Variants in SLF2 observed in about 807,000 individuals in gnomAD.
SLF2 encodes the protein SMC5/6 complex localization factor 2.
SLF2 carries 68 observed loss-of-function variants against 124.3 expected under a neutral mutation model. The ratio of observed to expected loss-of-function variants is 0.55; its 90% CI spans 0.45 to 0.67. The LOEUF is 0.67. SLF2 is among the 30% of genes least tolerant of loss of function. The probability of loss-of-function intolerance (pLI) is 0.00; values close to 1 mark genes in which losing one functional copy is unlikely to be tolerated. For missense variants in SLF2, 1,246 were observed against 1,373.7 expected, an observed-to-expected ratio of 0.91 and a Z score of 1.47; for synonymous variants, 480 against 478.8, an observed-to-expected ratio of 1.00 and a Z score of -0.03.
At chr10:100,937,617 G>GGTTTTT in intron 10 of SLF2, 140 bp downstream of exon 10, 1 of 626,062 alleles carries the variant, frequency 1.6e-6, no homozygotes, top group Non-Finnish European at 2.7e-6. Flanking sequence ...CGTTTTTTTT[G>GGTTTTT]GTTTTTTTTT....
In SLF2 at chr10:100,924,633, T is replaced by C. The variant is rs773303102; in HGVS notation, c.1632T>C (p.Pro544=). 6.2e-7 allele frequency: 1 copy of C among 1,614,040 alleles called. No homozygotes were observed. Among genetic ancestry groups the C allele is most frequent in the South Asian group, 1.1e-5 (1 of 91,084 alleles). ...CTTCAGGGAAAATTTCTGGGGGACC[T>C]TTGCGCTCAGAATATGGCACTCCTA... ...NVSSGKISGG[P]LRSEYGTPTK... is the part of the protein sequence containing the mutation. The change falls in exon 5 of 20, where the codon CCT becomes CCC. Residue 544 remains proline (P), a synonymous_variant. Coordinates refer to ENST00000238961, the MANE Select transcript of SLF2 (RefSeq NM_018121.4).
At chr10:100,917,926 A>G (rs975028232) in intron 3 of SLF2, among the ~76,000 whole-genome samples, 2 of 152,058 alleles carry the variant, frequency 1.3e-5, no homozygotes, top group African/African-American at 4.8e-5. Flanking sequence ...CTACAAATAA[A>G]TAAATAAATA....
At chr10:100,954,670 G>A (rs1378128273) in intron 17 of SLF2, among the ~76,000 whole-genome samples, 2 of 152,142 alleles carry the variant, frequency 1.3e-5, no homozygotes, top group African/African-American at 4.8e-5. Flanking sequence ...TAGGCCAGGT[G>A]TGGTGGCTCA....
chr10:100,915,925 T>G, intron 1 of SLF2, 74 bp from the exon 2 acceptor site: 2 of 1,158,202 alleles, frequency 1.7e-6, no homozygotes, highest in South Asian at 2.6e-5. Flanking sequence ...TTTATAAATC[T>G]TTCTCCATTT....
chr10:100,916,819 A>G lies in SLF2; in HGVS notation c.434A>G (p.Lys145Arg), dbSNP rs35608448. 5.4e-4 allele frequency: 869 copies of G among 1,614,118 alleles called. 6 individuals are homozygous for G. The African/African-American group carries it at 9.6e-3, about 18-fold the overall frequency. The change falls in exon 3 of 20, where the codon AAA becomes AGA. Residue 145 changes from lysine to arginine, a missense_variant. Physicochemically the swap from Lys to Arg is conservative, Grantham distance 26. This residue lies in a region of SLF2 where 698 missense variants were observed against 708.9 expected (regional missense o/e 0.98). Coordinates refer to ENST00000238961, the MANE Select transcript of SLF2 (RefSeq NM_018121.4). ...TCACTAGCCTCCAAATATTTAGCCA[A>G]AGGAACAAATATCTATGTTCCTTCT... ...CLSLASKYLA[K>R]GTNIYVPSSY...
At chr10:100,938,511 A>G (rs1849907554) in intron 10 of SLF2, 84 bp from the exon 11 acceptor site, 1 of 1,317,626 alleles carries the variant, frequency 7.6e-7, no homozygotes, top group South Asian at 1.5e-5. Flanking sequence ...GTAATTATTC[A>G]TGTTTCACCT....
chr10:100,936,235 T>G (rs1849852876), intron 9 of SLF2, among the ~76,000 whole-genome samples: 1 of 152,062 alleles, frequency 6.6e-6, no homozygotes, highest in African/African-American at 2.4e-5. Flanking sequence ...AGTATTCTTA[T>G]GAATACTAGA....
intron 9 of SLF2, among the ~76,000 whole-genome samples, chr10:100,935,093 G>A (rs1849817872): frequency 6.6e-6 from 1 of 151,882 alleles, no homozygotes; most frequent in Admixed American, 6.6e-5. Context: ...CCAAAAAATT[G>A]TCTTGTAAAA....
chr10:100,942,632 C>T (rs1439936920), intron 11 of SLF2, among the ~76,000 whole-genome samples: 1 of 152,204 alleles, frequency 6.6e-6, no homozygotes. Flanking sequence ...GATTCTCCTG[C>T]CTCAGCCTCC....
chr10:100,916,394 T>G (rs948997375), intron 2 of SLF2, among the ~76,000 whole-genome samples, 176 bp from the exon 3 acceptor site: 22 of 152,282 alleles, frequency 1.4e-4, no homozygotes, highest in African/African-American at 4.8e-4. Flanking sequence ...ATAAATCATC[T>G]CTTAATTTCT....
At chr10:100,939,731 A>G (rs1439115387) in intron 11 of SLF2, among the ~76,000 whole-genome samples, 2 of 152,176 alleles carry the variant, frequency 1.3e-5, no homozygotes, top group Non-Finnish European at 2.9e-5. Flanking sequence ...AGTCAATAAG[A>G]AAAAGATCAA....
At position 100,950,117 on chromosome 10, in the gene SLF2, T is replaced by G; in HGVS notation, c.3162T>G (p.Ser1054=). The G allele has an allele frequency of 6.2e-7, 1 of 1,613,896 alleles. No individual in the cohort carries two copies. The highest frequency in any genetic ancestry group is 8.5e-7 in the Non-Finnish European group (1 of 1,179,892). Residue 1054 remains serine, a synonymous_variant, in exon 16 of 20, where the codon TCT becomes TCG. Transcript: ENST00000238961. The stretch of plus-strand genomic sequence containing the variant: ...GCTATCTTGTGCAGATGAAGCCTTC[T>G]GATTTGTTAAAGAAAATGGTCTTGA... ...LHRYLVQMKP[S]DLLKKMVLKK...
chr10:100,959,095 T>G (rs1464394667), intron 18 of SLF2, among the ~76,000 whole-genome samples: 1 of 152,230 alleles, frequency 6.6e-6, no homozygotes, highest in Non-Finnish European at 1.5e-5. Context: ...ACCCTTCAGC[T>G]TCTCTATCTG....
intron 9 of SLF2, among the ~76,000 whole-genome samples, chr10:100,936,865 TAAAAAA>T (rs36074599): frequency 6.8e-6 from 1 of 146,554 alleles, no homozygotes; most frequent in Non-Finnish European, 1.5e-5. Context: ...ATGAAAGTTG[TAAAAAA>T]AAAAAAAGCA....
Position 100,916,987 on chromosome 10 carries a change from CCA to C in SLF2, c.605_606del (p.Thr202SerfsTer5), listed in dbSNP as rs770511394. 6.2e-7 allele frequency: 1 copy of C among 1,614,116 alleles called. No individual in the cohort carries two copies. The highest frequency in any genetic ancestry group is 1.1e-5 in the South Asian group (1 of 91,080). ...ACCAATGCAGACTCCAAAAAGCAGA[CCA>C]CAGTGGCAGAAGCTGACATCTTCAA... is the stretch of plus-strand genomic sequence containing the variant. On this transcript the variant is annotated frameshift_variant, in exon 3 of 20. Coordinates refer to ENST00000238961, the MANE Select transcript of SLF2 (RefSeq NM_018121.4). LOFTEE classifies it high-confidence loss of function.
rs190770162 is a variant in SLF2, at chr10:100,963,990, C to G, written c.*2078C>G. On this transcript the variant is annotated 3_prime_UTR_variant, in exon 20 of 20. Transcript: ENST00000238961. ...TCAGTTTAGGCCCTTGTATTTATGA[C>G]TCTGGTAGAGGTCTTCAGACTCCAG... 2.4e-4 allele frequency: 37 copies of G among 152,696 alleles called. No homozygotes were observed. Among genetic ancestry groups the G allele is most frequent in the South Asian group, 8.3e-4 (4 of 4,822 alleles). 9.5% of individuals were successfully genotyped at this position (152,696 alleles called of 1,614,324 possible).
chr10:100,959,678 ATTAAT>A, intron 19 of SLF2, 182 bp downstream of exon 19: 4 of 1,122,364 alleles, frequency 3.6e-6, no homozygotes, highest in Non-Finnish European at 4.7e-6. Context: ...CTTTATATTC[ATTAAT>A]TTATTTCCAG....
Position 100,930,966 on chromosome 10 carries a change from A to ATT in SLF2, c.2334-5_2334-4dup. ...TTAATAGCCATGTTGATTTTACTTT[A>ATT]TTTTTTCAGATCGGGAAAAACAGAT... On this transcript the variant is annotated splice_polypyrimidine_tract_variant and intron_variant, in intron 8 of 19. Coordinates refer to ENST00000238961, the MANE Select transcript of SLF2 (RefSeq NM_018121.4). 1 of 1,609,278 alleles carries ATT rather than the reference A, an allele frequency of 6.2e-7. No homozygotes were observed. The highest frequency in any genetic ancestry group is 8.5e-7 in the Non-Finnish European group (1 of 1,176,230).
In SLF2 at chr10:100,959,496, G is replaced by C. The variant is rs1850390163; in HGVS notation, c.3486G>C (p.Gln1162His). Residue 1162 changes from glutamine to histidine, a missense_variant and splice_region_variant, in exon 19 of 20, where the codon CAG becomes CAC. Physicochemically the swap from Gln to His is conservative, Grantham distance 24 (BLOSUM62 0). Transcript: ENST00000238961. The stretch of plus-strand genomic sequence containing the variant: ...TAATCCAGAACTGTCGGCCTACTCA[G>C]GTGTCATTTTGTTATACAATTTCAT... ...QEIIQNCRPT[Q>H]GQLHDFWVPD... 1.9e-6 allele frequency: 3 copies of C among 1,613,060 alleles called. No homozygotes were observed. The highest frequency in any genetic ancestry group is 1.7e-5 in the Admixed American group (1 of 59,714).
Sources: gnomAD v4.1 joint callset for allele counts (sites outside exome capture counted in the v4.1 genomes callset) on GRCh38, gnomAD v4.1.1 for gene constraint, gnomAD v4.1.1 regional missense constraint, MANE v1.5 for transcripts, NCBI Gene and HGNC (gene_info 2026-07-23, HGNC 2026-07-21) for gene names.